Variants in DENND2B observed in about 807,000 individuals in gnomAD.
DENND2B encodes the protein DENN domain-containing protein 2B.
Under a neutral mutation model 116.0 loss-of-function variants are expected in DENND2B, and 32 were observed. The observed-to-expected ratio is 0.28, with a 90% CI of 0.21 to 0.37. DENND2B has a LOEUF of 0.37. DENND2B is among the 10% of genes least tolerant of loss of function. The pLI, the probability that DENND2B is intolerant of heterozygous loss-of-function variation, is 1.00. For synonymous variants in DENND2B, 588 were observed against 583.9 expected (o/e 1.01, Z -0.10); for missense variants, 1,276 against 1,477.7 (o/e 0.86, Z 2.24).
At chr11:8,705,089 C>G (rs1411309255) in intron 13 of DENND2B, among the ~76,000 whole-genome samples, 1 of 152,096 alleles carries the variant, frequency 6.6e-6, no homozygotes, top group African/African-American at 2.4e-5. Context: ...TAATAAACAC[C>G]AAGCCCTCCA....
chr11:8,835,537 T>C (rs1193300296), intron 4 of DENND2B: 2 of 152,084 alleles, frequency 1.3e-5, no homozygotes, highest in Non-Finnish European at 1.5e-5. Flanking sequence ...AGCAAAATCA[T>C]AAGGACAGAA....
intron 1 of DENND2B, among the ~76,000 whole-genome samples, chr11:8,804,858 AAAG>A (rs1247166282): frequency 2.0e-5 from 3 of 152,132 alleles, no homozygotes; most frequent in African/African-American, 7.2e-5. Context: ...GCTACTTCTA[AAAG>A]AAGAATCTGG....
chr11:8,770,612 T>C (rs1358451323), intron 1 of DENND2B, among the ~76,000 whole-genome samples: 1 of 152,222 alleles, frequency 6.6e-6, no homozygotes, highest in African/African-American at 2.4e-5. Context: ...TCATCTCACC[T>C]TGAGTGAGTC....
At chr11:8,777,634 A>G (rs1454488100) in intron 1 of DENND2B, among the ~76,000 whole-genome samples, 1 of 152,230 alleles carries the variant, frequency 6.6e-6, no homozygotes, top group African/African-American at 2.4e-5. Context: ...CTGTGAATCA[A>G]GTGCTCAAAG....
At chr11:8,732,984 C>A (rs1419136664) in intron 2 of DENND2B, among the ~76,000 whole-genome samples, 1 of 152,270 alleles carries the variant, frequency 6.6e-6, no homozygotes, top group African/African-American at 2.4e-5. Flanking sequence ...CAATTCCCTG[C>A]TGGGTCACAG....
chr11:8,718,312 T>A (rs1418558623), intron 4 of DENND2B: 1 of 1,491,282 alleles, frequency 6.7e-7, no homozygotes, highest in South Asian at 1.2e-5. Flanking sequence ...TCAGGTCACA[T>A]GGCTGTCCCT....
At chr11:8,884,018 C>G (rs2063931025) in intron 1 of DENND2B, among the ~76,000 whole-genome samples, 1 of 152,192 alleles carries the variant, frequency 6.6e-6, no homozygotes, top group South Asian at 2.1e-4. Flanking sequence ...TCAGTAATTT[C>G]TTTGTATCTT....
At chr11:8,796,668 G>A (rs1315910590) in intron 1 of DENND2B, among the ~76,000 whole-genome samples, 9 of 152,226 alleles carry the variant, frequency 5.9e-5, no homozygotes, top group South Asian at 2.1e-4. Context: ...AGATCTGTAC[G>A]CTAGGAAATC....
In DENND2B at chr11:8,712,871, G is replaced by A. The variant is rs892213830; in HGVS notation, c.1988-136C>T. The A allele has an allele frequency of 6.5e-6, 6 of 921,820 alleles. No homozygotes were observed. Among genetic ancestry groups the A allele is most frequent in the Non-Finnish European group, 9.5e-6 (6 of 633,672 alleles). 57.1% of individuals were successfully genotyped at this position (921,820 alleles called of 1,614,324 possible). ...AGTCTGATACCATCCCCAGCTCACA[G>A]TGCAGGAGGACCGGCAGGCACAAGG... On this transcript the variant is annotated intron_variant, in intron 8 of 19. Coordinates refer to ENST00000313726, the MANE Select transcript of DENND2B (RefSeq NM_213618.2). The surrounding 1 kb of genome is among the most constrained non-coding windows in gnomAD (Gnocchi z 4.4).
At chr11:8,714,302 A>G (rs2044322284) in intron 7 of DENND2B, among the ~76,000 whole-genome samples, 1 of 152,248 alleles carries the variant, frequency 6.6e-6, no homozygotes, top group African/African-American at 2.4e-5. Context: ...AGAGGGGCCT[A>G]CAGGCCTGGA....
intron 2 of DENND2B, chr11:8,877,440 T>C (rs1247805892): frequency 1.3e-5 from 2 of 150,250 alleles, no homozygotes; most frequent in Admixed American, 1.3e-4. Flanking sequence ...AATGAAGCAG[T>C]GGGAGCAGAG....
chr11:8,782,758 G>A (rs2058500590), intron 1 of DENND2B, among the ~76,000 whole-genome samples: 1 of 151,576 alleles, frequency 6.6e-6, no homozygotes, highest in Admixed American at 6.6e-5. Flanking sequence ...GTGGGGGTGG[G>A]TGCCTGTAGT....
At chr11:8,808,617 C>T (rs1466363730) in intron 1 of DENND2B, 1 of 152,174 alleles carries the variant, frequency 6.6e-6, no homozygotes, top group African/African-American at 2.4e-5. Flanking sequence ...ATGAGAGAAC[C>T]AGAACAGAGA....
chr11:8,825,379 T>C (rs1368517694), intron 4 of DENND2B, among the ~76,000 whole-genome samples: 1 of 152,162 alleles, frequency 6.6e-6, no homozygotes, highest in African/African-American at 2.4e-5. Context: ...GGGTTTTTTT[T>C]TTCTTGTAAA....
intron 1 of DENND2B, chr11:8,771,957 A>G (rs2056974084): frequency 6.6e-6 from 1 of 152,122 alleles, no homozygotes; most frequent in Non-Finnish European, 1.5e-5. Context: ...ATACCATCAC[A>G]ATGACAATCA....
intron 4 of DENND2B, among the ~76,000 whole-genome samples, chr11:8,720,800 C>A (rs577624988): frequency 6.6e-6 from 1 of 152,308 alleles, no homozygotes; most frequent in Non-Finnish European, 1.5e-5. Context: ...TAAACTGAAC[C>A]AGCTGAGAGC....
In DENND2B at chr11:8,702,537, C is replaced by G. The variant is rs777198027; in HGVS notation, c.2720+35G>C. ...ATTCGCTTGTGGGTGTGCCTTCCCC[C>G]CTCCCTTCTGCTTTCTTGCCCGGCT... On this transcript the variant is annotated intron_variant, in intron 14 of 19. Transcript: ENST00000313726. This position sits in a 1 kb window ranked among gnomAD's most constrained non-coding sequence, Gnocchi z 4.6. 7.6e-5 allele frequency: 122 copies of G among 1,606,712 alleles called. No individual in the cohort carries two copies. Among genetic ancestry groups the G allele is most frequent in the Non-Finnish European group, 9.3e-5 (110 of 1,179,920 alleles).
At chr11:8,729,194 A>G (rs1209844328) in intron 3 of DENND2B, among the ~76,000 whole-genome samples, 1 of 152,154 alleles carries the variant, frequency 6.6e-6, no homozygotes, top group Admixed American at 6.5e-5. Context: ...GTGTAGGAGG[A>G]TAAGTATTCC....
intron 4 of DENND2B, chr11:8,830,912 C>T (rs904841232): frequency 6.6e-6 from 1 of 152,278 alleles, no homozygotes; most frequent in Non-Finnish European, 1.5e-5. Flanking sequence ...GAAAGAGACA[C>T]ATAAGAAAGA....
Sources: gnomAD v4.1 joint callset for allele counts (sites outside exome capture counted in the v4.1 genomes callset) on GRCh38, gnomAD v4.1.1 for gene constraint, Gnocchi (gnomAD v3.1) non-coding constraint, MANE v1.5 for transcripts, NCBI Gene and HGNC (gene_info 2026-07-23, HGNC 2026-07-21) for gene names.